Variants in SLC15A5 observed in about 807,000 individuals in gnomAD.
SLC15A5 encodes Peptide/histidine transporter ENSP00000340402.
A neutral mutation model predicts 56.1 loss-of-function variants in SLC15A5; 58 were observed. The ratio of observed to expected loss-of-function variants is 1.03; its 90% CI spans 0.84 to 1.29. The LOEUF is 1.29. Among genes scored for constraint, SLC15A5 ranks in the 50% most tolerant of loss-of-function variants. The pLI is 0.00. For missense variants in SLC15A5, 681 were observed against 672.1 expected (o/e 1.01, Z -0.15); for synonymous variants, 264 against 250.5 (o/e 1.05, Z -0.51).
chr12:16,230,495 T>C (rs1282586393), intron 5 of SLC15A5, among the ~76,000 whole-genome samples: 1 of 152,182 alleles, frequency 6.6e-6, no homozygotes, highest in Non-Finnish European at 1.5e-5. Context: ...GGCTTTGCTT[T>C]TGACATTACA....
At chr12:16,224,190 C>G (rs1864215817) in intron 6 of SLC15A5, among the ~76,000 whole-genome samples, 1 of 152,142 alleles carries the variant, frequency 6.6e-6, no homozygotes, top group African/African-American at 2.4e-5. Flanking sequence ...ATCTTTTGTT[C>G]CATCTGCATC....
chr12:16,275,639 G>C (rs1864809836), intron 1 of SLC15A5, among the ~76,000 whole-genome samples: 1 of 151,972 alleles, frequency 6.6e-6, no homozygotes, highest in African/African-American at 2.4e-5. Context: ...GTGACAGTTG[G>C]AATTTGATGG....
chr12:16,250,723 CAT>C (rs1342613425), intron 3 of SLC15A5, among the ~76,000 whole-genome samples: 31 of 151,734 alleles, frequency 2.0e-4, no homozygotes, highest in Non-Finnish European at 2.5e-4. Flanking sequence ...GATATTCTAA[CAT>C]AATTTATGAA....
At chr12:16,211,357 G>T (rs1483065549) in intron 7 of SLC15A5, among the ~76,000 whole-genome samples, 2 of 152,134 alleles carry the variant, frequency 1.3e-5, no homozygotes, top group Non-Finnish European at 2.9e-5. Context: ...GAGCCTTTTA[G>T]GAGATCTCAT....
chr12:16,236,713 C>T (rs1170009203), intron 5 of SLC15A5, among the ~76,000 whole-genome samples: 1 of 152,064 alleles, frequency 6.6e-6, no homozygotes, highest in Non-Finnish European at 1.5e-5. Flanking sequence ...ACATGACAGT[C>T]CCTGGAAGGA....
Position 16,237,807 on chromosome 12 carries a change from T to A in SLC15A5, c.1162+1874A>T, listed in dbSNP as rs1864366555. Among the ~76,000 whole-genome samples the A allele has an allele frequency of 6.6e-6, 1 of 152,286 alleles. No individual in the cohort carries two copies. Among genetic ancestry groups the A allele is most frequent in the East Asian group, 1.9e-4 (1 of 5,184 alleles). On this transcript the variant is annotated intron_variant, in intron 5 of 8. Transcript: ENST00000344941. The surrounding 1 kb of genome is among the most constrained non-coding windows in gnomAD (Gnocchi z 4.1). The stretch of plus-strand genomic sequence containing the variant: ...TGACACTGTACAAAACTGCTGAGAT[T>A]TTTGGCATTTCACAATATGATTTTA...
chr12:16,240,444 CAG>C lies in SLC15A5; in HGVS notation c.976-579_976-578del, dbSNP rs530065315. ...TTTGTTTCCAATGTGAACTAAGTAA[CAG>C]GGGGAGGAAAAAAAAACCTTGTGTC... On this transcript the variant is annotated intron_variant, in intron 4 of 8. Transcript: ENST00000344941. Among the ~76,000 whole-genome samples, 342 of 151,536 alleles carry C rather than the reference CAG, an allele frequency of 2.3e-3. 2 individuals carry two copies. Among genetic ancestry groups the C allele is most frequent in the South Asian group, 0.02 (96 of 4,790 alleles).
At chr12:16,198,728 T>TA (rs1863920149) in intron 7 of SLC15A5, among the ~76,000 whole-genome samples, 1 of 152,182 alleles carries the variant, frequency 6.6e-6, no homozygotes, top group Non-Finnish European at 1.5e-5. Context: ...GTGAGATTCT[T>TA]AGAGCAATTT....
intron 3 of SLC15A5, among the ~76,000 whole-genome samples, chr12:16,247,327 G>A (rs867776839): frequency 3.3e-5 from 5 of 152,142 alleles, no homozygotes; most frequent in African/African-American, 1.2e-4. Context: ...AACACAGCAA[G>A]GGCATATAAT....
chr12:16,191,296 C>G (rs1397010049), intron 8 of SLC15A5, among the ~76,000 whole-genome samples: 1 of 151,910 alleles, frequency 6.6e-6, no homozygotes, highest in Admixed American at 6.6e-5. Context: ...AAGATTGTAT[C>G]AGACTAATAT....
chr12:16,246,093 T>A (rs2136792190), intron 3 of SLC15A5, among the ~76,000 whole-genome samples: 1 of 152,302 alleles, frequency 6.6e-6, no homozygotes, highest in South Asian at 2.1e-4. Flanking sequence ...CAAGAATGAT[T>A]ACAGCTGTGG....
chr12:16,247,339 G>C (rs1210163460), intron 3 of SLC15A5, among the ~76,000 whole-genome samples: 1 of 152,124 alleles, frequency 6.6e-6, no homozygotes, highest in Non-Finnish European at 1.5e-5. Context: ...GCATATAATT[G>C]ATGCCAAAGA....
At chr12:16,251,925 T>C (rs1246850996) in intron 3 of SLC15A5, among the ~76,000 whole-genome samples, 1 of 151,888 alleles carries the variant, frequency 6.6e-6, no homozygotes, top group African/African-American at 2.4e-5. Flanking sequence ...CCAAGTTCAA[T>C]AGCACATTAA....
intron 7 of SLC15A5, among the ~76,000 whole-genome samples, chr12:16,206,832 T>C (rs1864024338): frequency 6.6e-6 from 1 of 152,188 alleles, no homozygotes; most frequent in Admixed American, 6.5e-5. Flanking sequence ...GTAGGGAAAT[T>C]GCTAGGCATT....
At chr12:16,259,164 G>T (rs973982403) in intron 2 of SLC15A5, among the ~76,000 whole-genome samples, 1 of 150,202 alleles carries the variant, frequency 6.7e-6, no homozygotes, top group Non-Finnish European at 1.5e-5. Context: ...CTCTCAAGTA[G>T]CTGGGACCAC....
chr12:16,259,934 T>A (rs1864627172), intron 2 of SLC15A5, among the ~76,000 whole-genome samples: 1 of 151,576 alleles, frequency 6.6e-6, no homozygotes, highest in South Asian at 2.1e-4. Context: ...CAGTTTCTGC[T>A]GGGCAGGAGA....
At chr12:16,251,249 C>T (rs1864515708) in intron 3 of SLC15A5, among the ~76,000 whole-genome samples, 1 of 151,614 alleles carries the variant, frequency 6.6e-6, no homozygotes, top group South Asian at 2.1e-4. Flanking sequence ...GAAGAATGAT[C>T]TCAAATCAAT....
intron 3 of SLC15A5, among the ~76,000 whole-genome samples, chr12:16,256,085 CA>C (rs1402272498): frequency 9.9e-5 from 15 of 152,138 alleles, no homozygotes; most frequent in Non-Finnish European, 2.9e-5. Context: ...AATTCATAAT[CA>C]TAGTTTTTTT....
intron 8 of SLC15A5, among the ~76,000 whole-genome samples, chr12:16,194,109 A>G (rs1863871807): frequency 1.3e-5 from 2 of 151,992 alleles, no homozygotes; most frequent in East Asian, 1.9e-4. Context: ...CATAGTGGGG[A>G]AAAAAATCTT....
Sources: allele counts gnomAD v4.1 joint callset (sites outside exome capture counted in the v4.1 genomes callset), GRCh38; gene constraint gnomAD v4.1.1; non-coding constraint Gnocchi (gnomAD v3.1); transcripts MANE v1.5; gene names NCBI Gene and HGNC (gene_info 2026-07-23, HGNC 2026-07-21).